Variants in EPRS1 observed in about 807,000 individuals in gnomAD.
EPRS1 encodes the protein bifunctional glutamate/proline--tRNA ligase.
A neutral mutation model predicts 188.3 loss-of-function variants in EPRS1; 107 were observed. That is an observed-to-expected ratio of 0.57 (90% CI 0.49 to 0.67). The LOEUF (loss-of-function observed/expected upper bound fraction) is 0.67. EPRS1 is among the 30% of genes least tolerant of loss of function. The pLI, the probability that EPRS1 is intolerant of heterozygous loss-of-function variation, is 0.00. For synonymous variants in EPRS1, 596 were observed against 593.1 expected (o/e 1.00, Z -0.07); for missense variants, 1,577 against 1,802.2 (o/e 0.88, Z 2.26).
chr1:220,010,138 C>G (rs1016959173), intron 13 of EPRS1, among the ~76,000 whole-genome samples: 1 of 150,180 alleles, frequency 6.7e-6, no homozygotes, highest in Non-Finnish European at 1.5e-5. Context: ...TAGATGGACC[C>G]TTCACTTATA....
At chr1:219,972,784 G>A (rs935813103) in intron 29 of EPRS1, among the ~76,000 whole-genome samples, 1 of 152,162 alleles carries the variant, frequency 6.6e-6, no homozygotes, top group African/African-American at 2.4e-5. Context: ...CCCCAGTCAG[G>A]AGGTTCTCAG....
At chr1:219,987,120 T>C (rs1661020830) in intron 20 of EPRS1, 22 bp downstream of exon 20, 3 of 1,587,228 alleles carry the variant, frequency 1.9e-6, no homozygotes, top group Non-Finnish European at 2.6e-6. Context: ...TTGCTTCAAA[T>C]GAAGTTTCTG....
chr1:220,019,440 G>A (rs1013310205), intron 10 of EPRS1, among the ~76,000 whole-genome samples: 1 of 152,122 alleles, frequency 6.6e-6, no homozygotes, highest in East Asian at 1.9e-4. Flanking sequence ...TCAGAAAAAA[G>A]ATGGTATCCT....
In EPRS1 at chr1:219,997,044, T is replaced by C. The variant is rs758369530; in HGVS notation, c.2480A>G (p.Tyr827Cys). Reference sequence around the variant, plus strand: ...CTCCCCTTGTGCAGCAACTTCATCATACAGAGATTTACTTTCCAGAATACT... The same window carrying C: ...CTCCCCTTGTGCAGCAACTTCATCACACAGAGATTTACTTTCCAGAATACT... ...SASILESKSL[Y>C]DEVAAQGEVV... Residue 827 changes from tyrosine to cysteine, a missense_variant, in exon 18 of 32, where the codon TAT becomes TGT. Tyr to Cys is a radical substitution (Grantham distance 194). Transcript: ENST00000366923. The C allele has an allele frequency of 4.3e-6, 7 of 1,613,530 alleles. No individual in the cohort carries two copies. Among genetic ancestry groups the C allele is most frequent in the Admixed American group, 1.7e-5 (1 of 59,976 alleles).
chr1:219,980,702 G>A (rs898859298), intron 25 of EPRS1, 54 bp downstream of exon 25: 1 of 1,285,240 alleles, frequency 7.8e-7, no homozygotes, highest in Admixed American at 1.9e-5. Context: ...CAAAATTGCA[G>A]AACCTGAACA....
intron 20 of EPRS1, among the ~76,000 whole-genome samples, chr1:219,984,886 C>A (rs1660975494): frequency 6.6e-6 from 1 of 151,730 alleles, no homozygotes; most frequent in South Asian, 2.1e-4. Context: ...CTACTAAAAA[C>A]AAAATGAGCC....
intron 17 of EPRS1, among the ~76,000 whole-genome samples, chr1:219,998,504 C>A (rs916578266): frequency 5.3e-5 from 8 of 151,530 alleles, no homozygotes; most frequent in African/African-American, 1.9e-4. Context: ...TAATACAATT[C>A]ATGTAGCCAC....
At position 220,007,266 on chromosome 1, in the gene EPRS1, A is replaced by T; in HGVS notation, c.1678T>A (p.Phe560Ile). 1 of 1,613,934 alleles carries T rather than the reference A, an allele frequency of 6.2e-7. No homozygotes were observed. The highest frequency in any genetic ancestry group is 2.2e-5 in the East Asian group (1 of 44,852). ...AATGTAACCATCTCACCCTCCGAAA[A>T]AGTCTCTGCATCAGCACCTTCAATG... ...VFIEGADAET[F>I]SEGEMVTFIN... The change falls in exon 14 of 32, where the codon TTT (phenylalanine) becomes ATT (isoleucine). Residue 560 changes from phenylalanine to isoleucine, a missense_variant. Transcript: ENST00000366923.
chr1:219,995,318 G>A (rs1047262876), intron 18 of EPRS1, among the ~76,000 whole-genome samples: 21 of 152,124 alleles, frequency 1.4e-4, no homozygotes, highest in African/African-American at 4.1e-4. Context: ...CAAGTACAAC[G>A]GTTGCTTCTG....
chr1:219,983,516 TTAA>T (rs1277830742), intron 21 of EPRS1, 118 bp from the exon 22 acceptor site: 1 of 666,792 alleles, frequency 1.5e-6, no homozygotes, highest in Non-Finnish European at 2.6e-6. Flanking sequence ...TAACATCCCC[TTAA>T]TGTGGGAGGT....
intron 30 of EPRS1, among the ~76,000 whole-genome samples, chr1:219,971,641 A>G (rs1014737784): frequency 6.6e-6 from 1 of 151,774 alleles, no homozygotes. Flanking sequence ...ATAAAGAAAA[A>G]AGGAGACATA....
At chr1:220,014,612 G>A (rs531036059) in intron 12 of EPRS1, among the ~76,000 whole-genome samples, 1 of 152,328 alleles carries the variant, frequency 6.6e-6, no homozygotes, top group Admixed American at 6.5e-5. Context: ...CTGGCAGCCA[G>A]GTCTTCACAC....
chr1:219,992,918 CA>C (rs201707484), intron 18 of EPRS1, among the ~76,000 whole-genome samples: 3 of 149,512 alleles, frequency 2.0e-5, no homozygotes, highest in African/African-American at 2.5e-5. Context: ...GACTCCGTCT[CA>C]AAAAAAAAAT....
At chr1:219,998,793 G>A (rs145402758) in intron 17 of EPRS1, among the ~76,000 whole-genome samples, 58 of 151,726 alleles carry the variant, frequency 3.8e-4, no homozygotes, top group Non-Finnish European at 7.8e-4. Context: ...TGTCCACCTC[G>A]GCCTCCCAAA....
Position 220,001,233 on chromosome 1 carries a change from G to A in EPRS1, c.2086C>T (p.Pro696Ser), listed in dbSNP as rs776244777. 6.2e-7 allele frequency: 1 copy of A among 1,612,096 alleles called. No homozygotes were observed. Among genetic ancestry groups the A allele is most frequent in the South Asian group, 1.1e-5 (1 of 91,020 alleles). The change falls in exon 17 of 32, where the codon CCG becomes TCG. Residue 696 changes from proline to serine, a missense_variant. Transcript: ENST00000366923. ...TCAGGAATGTATATCAAAACACACGGGGCTTCCTTGCAACTATATGGGCTA... is the reference window on the plus strand; with the variant it reads ...TCAGGAATGTATATCAAAACACACGAGGCTTCCTTGCAACTATATGGGCTA... ...PVSPYSCKEAPCVLIYIPDGH... is the reference protein window; with the variant it reads ...PVSPYSCKEASCVLIYIPDGH...
intron 1 of EPRS1, among the ~76,000 whole-genome samples, chr1:220,041,917 G>A (rs182380112): frequency 1.8e-4 from 28 of 152,280 alleles, no homozygotes; most frequent in African/African-American, 6.5e-4. Flanking sequence ...GCTGTGGCAA[G>A]GAAGGTGCAA....
intron 10 of EPRS1, among the ~76,000 whole-genome samples, chr1:220,019,651 A>T (rs1332293183): frequency 6.6e-6 from 1 of 152,094 alleles, no homozygotes; most frequent in East Asian, 1.9e-4. Flanking sequence ...AAAAAGAAAA[A>T]CCTCAGCCTC....
chr1:220,002,731 A>T (rs1056023475), intron 16 of EPRS1, among the ~76,000 whole-genome samples: 2 of 152,120 alleles, frequency 1.3e-5, no homozygotes, highest in African/African-American at 4.8e-5. Context: ...GTGGTGGCAC[A>T]TATCTGTAGC....
At chr1:220,010,841 AATCATCT>A in intron 13 of EPRS1, 98 bp downstream of exon 13, 12 of 699,954 alleles carry the variant, frequency 1.7e-5, no homozygotes, top group African/African-American at 3.6e-5. Flanking sequence ...AAAGAAAGAA[AATCATCT>A]CAAAATCATG....
Sources: gnomAD v4.1 joint callset for allele counts (sites outside exome capture counted in the v4.1 genomes callset) on GRCh38, gnomAD v4.1.1 for gene constraint, MANE v1.5 for transcripts, NCBI Gene and HGNC (gene_info 2026-07-23, HGNC 2026-07-21) for gene names.